The following PPM1L variants were observed in gnomAD, a reference collection of about 807,000 sequenced individuals.
PPM1L encodes protein phosphatase 1L.
In PPM1L, 13 loss-of-function variants were observed where a neutral mutation model predicts 31.4. The ratio of observed to expected loss-of-function variants is 0.41; its 90% CI spans 0.27 to 0.66. The LOEUF is 0.66. Ranked by LOEUF, PPM1L falls within the 30% of genes least tolerant of loss-of-function variation. The pLI, the probability that PPM1L is intolerant of heterozygous loss-of-function variation, is 0.29. For synonymous variants in PPM1L, 184 were observed against 175.4 expected, an observed-to-expected ratio of 1.05 and a Z score of -0.39; for missense variants, 326 against 453.7, an observed-to-expected ratio of 0.72 and a Z score of 2.56.
chr3:160,840,249 T>C (rs548132711), intron 1 of PPM1L, among the ~76,000 whole-genome samples: 1 of 152,302 alleles, frequency 6.6e-6, no homozygotes, highest in South Asian at 2.1e-4. Flanking sequence ...GAAATTGAGA[T>C]ATTTCTGGAA....
intron 1 of PPM1L, among the ~76,000 whole-genome samples, chr3:160,766,522 C>A (rs1457675373): frequency 6.6e-6 from 1 of 152,138 alleles, no homozygotes; most frequent in Non-Finnish European, 1.5e-5. Context: ...CTCATTCTCT[C>A]TCCTGCCACT....
At chr3:161,022,364 CATTT>C in intron 2 of PPM1L, 2 of 386,698 alleles carry the variant, frequency 5.2e-6, no homozygotes, top group Middle Eastern at 1.1e-3. Flanking sequence ...TTTCTTTATG[CATTT>C]ATTTTTTAAA....
chr3:160,963,119 TA>T (rs996584005), intron 2 of PPM1L, among the ~76,000 whole-genome samples: 16 of 152,054 alleles, frequency 1.1e-4, no homozygotes, highest in African/African-American at 3.9e-4. Context: ...CCAACCAAAA[TA>T]ATATTTAAAT....
intron 1 of PPM1L, among the ~76,000 whole-genome samples, chr3:160,933,951 G>A (rs1350683252): frequency 6.6e-6 from 1 of 152,138 alleles, no homozygotes; most frequent in African/African-American, 2.4e-5. Flanking sequence ...CAACCTAATA[G>A]TGTAATTACC....
intron 1 of PPM1L, among the ~76,000 whole-genome samples, chr3:160,910,473 G>A (rs1230891261): frequency 6.6e-6 from 1 of 151,912 alleles, no homozygotes; most frequent in Non-Finnish European, 1.5e-5. Flanking sequence ...CACCACACCT[G>A]GCTAATTTTT....
At chr3:160,971,267 C>T (rs1716333133) in intron 2 of PPM1L, among the ~76,000 whole-genome samples, 1 of 152,172 alleles carries the variant, frequency 6.6e-6, no homozygotes, top group African/African-American at 2.4e-5. Flanking sequence ...AAATCTCTTC[C>T]AGTCGTAACA....
chr3:160,770,862 A>G (rs949227646), intron 1 of PPM1L, among the ~76,000 whole-genome samples: 5 of 152,120 alleles, frequency 3.3e-5, no homozygotes, highest in Admixed American at 6.5e-5. Flanking sequence ...AGTTTCTACT[A>G]TCTGTCCTGT....
At chr3:160,898,056 A>G (rs1713408357) in intron 1 of PPM1L, among the ~76,000 whole-genome samples, 1 of 152,184 alleles carries the variant, frequency 6.6e-6, no homozygotes, top group Non-Finnish European at 1.5e-5. Flanking sequence ...ACTTTTAAGG[A>G]AGAAAAAAAA....
chr3:161,035,551 T>G (rs761918030), intron 2 of PPM1L, among the ~76,000 whole-genome samples: 1 of 152,158 alleles, frequency 6.6e-6, no homozygotes, highest in Admixed American at 6.5e-5. Context: ...CCTGAAAGAA[T>G]GACTAAAAAG....
chr3:160,943,771 T>G (rs1350807124), intron 1 of PPM1L, among the ~76,000 whole-genome samples: 3 of 152,154 alleles, frequency 2.0e-5, no homozygotes. Context: ...TTTAATTGCC[T>G]GAATGTGGAC....
chr3:160,765,342 C>G (rs79102932), intron 1 of PPM1L, among the ~76,000 whole-genome samples: 1,578 of 152,308 alleles, frequency 0.01, 18 homozygotes, highest in South Asian at 0.018. Context: ...CAATGAAGTG[C>G]TGATAACATT....
At chr3:160,812,611 A>AT (rs143284332) in intron 1 of PPM1L, among the ~76,000 whole-genome samples, 5,113 of 151,234 alleles carry the variant, frequency 0.034, 296 homozygotes, top group African/African-American at 0.12. Context: ...TAATAGGAGC[A>AT]TTTTTTTTTG....
chr3:160,831,460 T>C (rs1389983789), intron 1 of PPM1L, among the ~76,000 whole-genome samples: 4 of 152,218 alleles, frequency 2.6e-5, no homozygotes, highest in Admixed American at 1.3e-4. Context: ...TTCAAAATTA[T>C]ATAGTTAAGA....
At chr3:160,976,768 T>C (rs1001075996) in intron 2 of PPM1L, among the ~76,000 whole-genome samples, 21 of 152,190 alleles carry the variant, frequency 1.4e-4, no homozygotes, top group Non-Finnish European at 2.6e-4. Flanking sequence ...TCTCTCTTTT[T>C]TTCTTTATTA....
chr3:160,882,369 A>G (rs914693755), intron 1 of PPM1L: 2 of 152,228 alleles, frequency 1.3e-5, no homozygotes, highest in African/African-American at 4.8e-5. Context: ...ATGAAGGAAC[A>G]TGTAAAGCTT....
intron 1 of PPM1L, among the ~76,000 whole-genome samples, chr3:160,903,815 C>G (rs1713649314): frequency 7.1e-6 from 1 of 140,792 alleles, no homozygotes; most frequent in Non-Finnish European, 1.6e-5. Flanking sequence ...AGAGACAAGT[C>G]AAAGGGAAAT....
At chr3:160,903,401 T>G (rs988298573) in intron 1 of PPM1L, among the ~76,000 whole-genome samples, 3 of 152,120 alleles carry the variant, frequency 2.0e-5, no homozygotes, top group African/African-American at 7.2e-5. Flanking sequence ...ATTTTTGCTG[T>G]TAATGTCTCC....
At chr3:160,929,439 C>A (rs753643215) in intron 1 of PPM1L, among the ~76,000 whole-genome samples, 4 of 152,088 alleles carry the variant, frequency 2.6e-5, no homozygotes, top group Non-Finnish European at 4.4e-5. Context: ...TTTCCACTTG[C>A]TAGTTGCTGA....
intron 1 of PPM1L, among the ~76,000 whole-genome samples, chr3:160,914,848 C>A (rs1212075286): frequency 3.3e-5 from 5 of 152,028 alleles, no homozygotes; most frequent in African/African-American, 1.2e-4. Flanking sequence ...AGTTCTAGAT[C>A]CCTGAGGAAT....
Sources: allele counts gnomAD v4.1 joint callset (sites outside exome capture counted in the v4.1 genomes callset), GRCh38; gene constraint gnomAD v4.1.1; transcripts MANE v1.5; gene names NCBI Gene and HGNC (gene_info 2026-07-23, HGNC 2026-07-21).